The following NEB variants were observed in gnomAD, a reference collection of about 807,000 sequenced individuals.
NEB encodes the protein nemaline myopathy type 2.
In NEB, 512 loss-of-function variants were observed where a neutral mutation model predicts 952.2. The observed-to-expected ratio is 0.54, with a 90% CI of 0.50 to 0.58. NEB has a LOEUF of 0.58. Ranked by LOEUF, NEB falls within the 20% of genes least tolerant of loss-of-function variation. The probability of loss-of-function intolerance (pLI) is 0.00; values close to 1 mark genes in which losing one functional copy is unlikely to be tolerated. For missense variants in NEB, 8,428 were observed against 9,231.1 expected (o/e 0.91, Z 3.56); for synonymous variants, 2,900 against 3,149.8 (o/e 0.92, Z 2.66).
At chr2:151,671,462 C>A in intron 37 of NEB, 1 of 418,588 alleles carries the variant, frequency 2.4e-6, no homozygotes, top group Non-Finnish European at 4.3e-6. Flanking sequence ...ATGGGTACTG[C>A]TAAAAAAAAT....
rs1003798007 is a variant in NEB at position 151,533,515 on chromosome 2, A to C, written c.21344T>G (p.Leu7115Arg). The C allele has an allele frequency of 6.4e-7, 1 of 1,551,394 alleles. No individual in the cohort carries two copies. Among genetic ancestry groups the C allele is most frequent in the Non-Finnish European group, 8.7e-7 (1 of 1,146,734 alleles). Residue 7115 changes from leucine to arginine, a missense_variant, in exon 143 of 182, where the codon CTG becomes CGG. By Grantham distance (102) the Leu-to-Arg change is moderately radical. Transcript: ENST00000397345. ...CAGAATTTCATTACATCCATGTTGC[A>C]GAAACATCTTGGCACTAGATTTATA... ...RKYKSSAKMF[L>R]QHGCNEILRP...
chr2:151,716,451 C>G (rs978047226), intron 10 of NEB, among the ~76,000 whole-genome samples: 1 of 152,112 alleles, frequency 6.6e-6, no homozygotes, highest in Non-Finnish European at 1.5e-5. Flanking sequence ...TCAAAACTTT[C>G]AATGGATCAT....
intron 114 of NEB, 108 bp from the exon 115 acceptor site, chr2:151,565,928 A>G (rs2096356805): frequency 1.5e-6 from 1 of 682,794 alleles, no homozygotes; most frequent in Non-Finnish European, 2.5e-6. Flanking sequence ...TCTCTCTAGT[A>G]GTTTTCTCAT....
chr2:151,621,829 C>T lies in NEB; in HGVS notation c.10453-803G>A, dbSNP rs533047516. The stretch of plus-strand genomic sequence containing the variant: ...AAAAATTTTAAGTAATTGCCAACAT[C>T]GGTATTCAATAAATCAAAACAAGAT... On this transcript the variant is annotated intron_variant, in intron 71 of 181. Coordinates refer to ENST00000397345, the MANE Select transcript of NEB (RefSeq NM_001164508.2). 1.8e-4 allele frequency among the ~76,000 whole-genome samples: 27 copies of T among 152,162 alleles called. 1 individual carries two copies. The South Asian group carries it at 4.6e-3, about 26-fold the overall frequency.
chr2:151,518,922 A>G (rs1334552854), intron 155 of NEB, 43 bp downstream of exon 155: 1 of 1,386,190 alleles, frequency 7.2e-7, no homozygotes, highest in African/African-American at 1.4e-5. Flanking sequence ...TTAGTTCCAA[A>G]TGGGTAAAAC....
chr2:151,642,800 A>C lies in NEB; in HGVS notation c.8230T>G (p.Leu2744Val). 6.2e-7 allele frequency: 1 copy of C among 1,612,910 alleles called. No individual in the cohort carries two copies. Among genetic ancestry groups the C allele is most frequent in the South Asian group, 1.1e-5 (1 of 90,888 alleles). Residue 2744 changes from leucine to valine, a missense_variant, in exon 59 of 182, where the codon TTA becomes GTA. By Grantham distance (32) the Leu-to-Val change is conservative (BLOSUM62 1). Transcript: ENST00000397345. ...TTTACTTTGTTTTGTTTAGCTAATA[A>C]AACTTCAGGGGTATCTGGCATAATG... Reference protein sequence around the residue: ...VHIMPDTPEVLLAKQNKVNYS... With the variant: ...VHIMPDTPEVVLAKQNKVNYS...
Position 151,553,972 on chromosome 2 carries a change from G to A in NEB, c.19482C>T (p.Pro6494=), listed in dbSNP as rs200333206. 247 of 1,613,788 alleles carry A rather than the reference G, an allele frequency of 1.5e-4. 1 individual carries two copies. Among genetic ancestry groups the A allele is most frequent in the Middle Eastern group, 3.3e-4 (2 of 6,060 alleles). The change falls in exon 126 of 182, where the codon CCC becomes CCT. Residue 6494 remains proline, a synonymous_variant. Transcript: ENST00000397345. The part of the protein sequence containing the change: ...EKNKMKIHIV[P]DMVEMVTAKD... ...TGGCAGTAACCATCTCTACCATGTC[G>A]GGCACGATGTGGATTTTCATCTTGT...
chr2:151,511,040 A>T (rs1346870624), intron 161 of NEB, among the ~76,000 whole-genome samples: 1 of 152,226 alleles, frequency 6.6e-6, no homozygotes, highest in Non-Finnish European at 1.5e-5. Context: ...GGCCTTGAGG[A>T]ACCAGCCAAA....
chr2:151,642,502 A>G, intron 60 of NEB, 72 bp downstream of exon 60: 1 of 1,279,762 alleles, frequency 7.8e-7, no homozygotes, highest in Non-Finnish European at 1.1e-6. Context: ...TACTTGTGCC[A>G]CTATAAATCC....
intron 107 of NEB, among the ~76,000 whole-genome samples, chr2:151,571,340 G>T (rs551471949): frequency 1.1e-4 from 16 of 152,322 alleles, no homozygotes; most frequent in African/African-American, 2.9e-4. Context: ...TAGCCTTGAA[G>T]TAGTTGCTCA....
chr2:151,662,453 T>C, intron 45 of NEB, 112 bp from the exon 46 acceptor site: 3 of 929,728 alleles, frequency 3.2e-6, no homozygotes, highest in Non-Finnish European at 4.6e-6. Flanking sequence ...TTCTGTAACT[T>C]TTCCACTTCA....
intron 135 of NEB, among the ~76,000 whole-genome samples, chr2:151,542,191 G>A (rs1270651130): frequency 1.3e-5 from 2 of 152,112 alleles, no homozygotes; most frequent in Non-Finnish European, 2.9e-5. Flanking sequence ...TTCTTCCCTA[G>A]GTGGCTTCCT....
At chr2:151,648,143 C>T (rs1381381235) in intron 54 of NEB, among the ~76,000 whole-genome samples, 1 of 152,166 alleles carries the variant, frequency 6.6e-6, no homozygotes, top group Non-Finnish European at 1.5e-5. Flanking sequence ...CACATACACA[C>T]ATATGTGAAT....
At chr2:151,571,640 T>G (rs2096631819) in intron 107 of NEB, among the ~76,000 whole-genome samples, 1 of 152,206 alleles carries the variant, frequency 6.6e-6, no homozygotes, top group South Asian at 2.1e-4. Context: ...ACAGCTATTT[T>G]TTTGGTTGTA....
intron 142 of NEB, among the ~76,000 whole-genome samples, chr2:151,534,061 C>T (rs77733926): frequency 0.026 from 3,907 of 152,272 alleles, 66 homozygotes; most frequent in African/African-American, 0.042. Context: ...AAATAGCTGA[C>T]GGGCTTTTTG....
chr2:151,486,051 ATG>A (rs1431477183), intron 181 of NEB, 118 bp from the exon 182 acceptor site: 10 of 1,023,294 alleles, frequency 9.8e-6, no homozygotes. Flanking sequence ...ACAAAAGAGA[ATG>A]TGCAAGCATC....
chr2:151,507,727 A>G, intron 162 of NEB: 1 of 363,424 alleles, frequency 2.8e-6, no homozygotes, highest in East Asian at 4.4e-5. Context: ...CTTTTGTTAC[A>G]GGGGTTTTCG....
chr2:151,698,930 A>C (rs571792954), intron 13 of NEB, among the ~76,000 whole-genome samples: 1 of 146,360 alleles, frequency 6.8e-6, no homozygotes, highest in South Asian at 2.2e-4. Context: ...CAGGTTAGTT[A>C]CATATGTATA....
Position 151,561,212 on chromosome 2 carries a change from C to T in NEB, c.19097G>A (p.Ser6366Asn), listed in dbSNP as rs191579691. 14 of 1,603,452 alleles carry T rather than the reference C, an allele frequency of 8.7e-6. No homozygotes were observed. The highest frequency in any genetic ancestry group is 1.2e-5 in the Non-Finnish European group (14 of 1,173,202). The change falls in exon 122 of 182, where the codon AGT becomes AAT. Residue 6366 changes from serine (S) to asparagine (N), a missense_variant. Physicochemically the swap from Ser to Asn is conservative, Grantham distance 46 (BLOSUM62 1). Coordinates refer to ENST00000397345, the MANE Select transcript of NEB (RefSeq NM_001164508.2). Reference protein sequence around the residue: ...VTAVQSGINASEVKYKENYHQ... With the variant: ...VTAVQSGINANEVKYKENYHQ... ...GAGGAGTACAGGAAGACGCACCTCA[C>T]TGGCATTAATGCCACTCTGAACAGC... is the stretch of plus-strand genomic sequence containing the variant.
Sources: gnomAD v4.1 joint callset for allele counts (sites outside exome capture counted in the v4.1 genomes callset) on GRCh38, gnomAD v4.1.1 for gene constraint, MANE v1.5 for transcripts, NCBI Gene and HGNC (gene_info 2026-07-23, HGNC 2026-07-21) for gene names.